ZNF716: variants seen among roughly 807,000 people sequenced by gnomAD.
ZNF716 encodes zinc finger protein 716.
A neutral mutation model predicts 13.4 loss-of-function variants in ZNF716; 9 were observed. The ratio of observed to expected loss-of-function variants is 0.67; its 90% CI spans 0.41 to 1.18. ZNF716 has a LOEUF of 1.18. Ranked by LOEUF, ZNF716 falls within the 50% of genes most tolerant of loss-of-function variation. ZNF716 has a pLI of 0.01. For missense variants in ZNF716, 581 were observed against 576.6 expected, an observed-to-expected ratio of 1.01 and a Z score of -0.08; for synonymous variants, 186 against 195.2, an observed-to-expected ratio of 0.95 and a Z score of 0.39.
At chr7:57,467,977 A>G (rs1789845625) in intron 3 of ZNF716, among the ~76,000 whole-genome samples, 1 of 152,082 alleles carries the variant, frequency 6.6e-6, no homozygotes, top group South Asian at 2.1e-4. Context: ...TTATAAACAT[A>G]ATAATCTTTG....
intron 1 of ZNF716, among the ~76,000 whole-genome samples, chr7:57,461,603 G>A (rs1159949858): frequency 6.6e-5 from 10 of 151,972 alleles, no homozygotes; most frequent in African/African-American, 2.4e-4. Context: ...TTATTTACAG[G>A]TGAGAGAAAC....
chr7:57,468,640 T>C (rs1405363669), intron 3 of ZNF716, 84 bp from the exon 4 acceptor site: 1 of 1,369,368 alleles, frequency 7.3e-7, no homozygotes, highest in African/African-American at 1.5e-5. Flanking sequence ...TAATGTACTT[T>C]GTATAATTTT....
chr7:57,458,853 G>A (rs1366110110), intron 1 of ZNF716, among the ~76,000 whole-genome samples: 1 of 151,918 alleles, frequency 6.6e-6, no homozygotes, highest in Non-Finnish European at 1.5e-5. Flanking sequence ...TGCTCTTTTT[G>A]AATTCTTTTA....
At chr7:57,451,326 C>T (rs556802358) in intron 1 of ZNF716, among the ~76,000 whole-genome samples, 1 of 150,938 alleles carries the variant, frequency 6.6e-6, no homozygotes, top group Non-Finnish European at 1.5e-5. Flanking sequence ...GTAAGAGATA[C>T]ATTTGAGATA....
At chr7:57,450,647 A>G (rs1234994141) in intron 1 of ZNF716, among the ~76,000 whole-genome samples, 3 of 152,156 alleles carry the variant, frequency 2.0e-5, no homozygotes, top group Non-Finnish European at 4.4e-5. Flanking sequence ...GGAAGAATCC[A>G]GACTTAGGGT....
chr7:57,452,298 T>C (rs1789511353), intron 1 of ZNF716, among the ~76,000 whole-genome samples: 1 of 151,134 alleles, frequency 6.6e-6, no homozygotes, highest in South Asian at 2.1e-4. Context: ...TCATTCAATG[T>C]CAAATGGGAA....
intron 1 of ZNF716, among the ~76,000 whole-genome samples, chr7:57,460,419 G>T (rs567367747): frequency 7.0e-6 from 1 of 141,960 alleles, no homozygotes; most frequent in South Asian, 2.3e-4. Flanking sequence ...AAAAAAGGCA[G>T]CGTCCACTCT....
intron 1 of ZNF716, among the ~76,000 whole-genome samples, chr7:57,452,593 G>T (rs1789516610): frequency 6.6e-6 from 1 of 152,014 alleles, no homozygotes; most frequent in South Asian, 2.1e-4. Flanking sequence ...AGCCAAGATG[G>T]TGCCACTGCA....
At position 57,468,845 on chromosome 7, in the gene ZNF716, C is replaced by T. The variant is rs1789859272; in HGVS notation, c.384C>T (p.Cys128=). Residue 128 remains cysteine (C), a synonymous_variant, in exon 4 of 4, where the codon TGC becomes TGT. Coordinates refer to ENST00000420713, the MANE Select transcript of ZNF716 (RefSeq NM_001159279.1). ...AGGAGGATTTACAAGTAAAAAAATG[C>T]TGTAAAAGTGTAGGTGAGTGTGAGG... ...CGQEDLQVKK[C]CKSVGECEVH... 1 of 1,613,504 alleles carries T rather than the reference C, an allele frequency of 6.2e-7. No homozygotes were observed. Among genetic ancestry groups the T allele is most frequent in the African/African-American group, 1.3e-5 (1 of 74,970 alleles).
chr7:57,464,073 T>C (rs1351909510), intron 3 of ZNF716, among the ~76,000 whole-genome samples: 1 of 151,966 alleles, frequency 6.6e-6, no homozygotes, highest in Non-Finnish European at 1.5e-5. Context: ...CCCATTTGTA[T>C]ATCTTTTTAA....
At position 57,470,015 on chromosome 7, in the gene ZNF716, C is replaced by A; in HGVS notation, c.*66C>A. The stretch of plus-strand genomic sequence containing the variant: ...TAATTTATACTGGAAAAAATCACTA[C>A]AAGTGTGGAGAATGTGGCCAATTCT... On this transcript the variant is annotated 3_prime_UTR_variant, in exon 4 of 4. Transcript: ENST00000420713. 2 of 1,419,472 alleles carry A rather than the reference C, an allele frequency of 1.4e-6. No homozygotes were observed. The highest frequency in any genetic ancestry group is 1.5e-5 in the South Asian group (1 of 65,702). 87.9% of individuals were successfully genotyped at this position (1,419,472 alleles called of 1,614,324 possible). A position where few individuals can be genotyped will look rare whatever the true frequency, so the allele number is the denominator to read the frequency against.
Position 57,462,399 on chromosome 7 carries a change from A to G in ZNF716, c.40-61A>G, listed in dbSNP as rs782249184. ...CAAATAAAAATCTCTGCCTATGGCAACATGGTAACTGTTTGTGTGTTCATG... is the reference window on the plus strand; with the variant it reads ...CAAATAAAAATCTCTGCCTATGGCAGCATGGTAACTGTTTGTGTGTTCATG... On this transcript the variant is annotated intron_variant, in intron 1 of 3. Transcript: ENST00000420713. 7.6e-6 allele frequency: 12 copies of G among 1,572,366 alleles called. No individual in the cohort carries two copies. In the East Asian group the frequency reaches 2.6e-4, roughly 34 times the overall value.
chr7:57,469,674 G>C lies in ZNF716; in HGVS notation c.1213G>C (p.Glu405Gln), dbSNP rs782256356. The C allele has an allele frequency of 6.2e-7, 1 of 1,609,438 alleles. No individual in the cohort carries two copies. The highest frequency in any genetic ancestry group is 2.2e-5 in the East Asian group (1 of 44,720). ...TTACCACAAGAGAACTCATACTGGA[G>C]AGAAACCCTACAAATGTGAAGAATG... ...FTYHKRTHTG[E>Q]KPYKCEECGK... is the part of the protein sequence containing the mutation. The change falls in exon 4 of 4, where the codon GAG (glutamate) becomes CAG (glutamine). Residue 405 changes from glutamate to glutamine, a missense_variant. By Grantham distance (29) the Glu-to-Gln change is conservative (BLOSUM62 2). Coordinates refer to ENST00000420713, the MANE Select transcript of ZNF716 (RefSeq NM_001159279.1).
intron 1 of ZNF716, among the ~76,000 whole-genome samples, chr7:57,461,310 G>C (rs1789705434): frequency 6.6e-6 from 1 of 152,012 alleles, no homozygotes; most frequent in South Asian, 2.1e-4. Context: ...TACTTTTCTG[G>C]GAGGAAAGAA....
chr7:57,461,270 T>C (rs1554323042), intron 1 of ZNF716, among the ~76,000 whole-genome samples: 1 of 152,060 alleles, frequency 6.6e-6, no homozygotes, highest in African/African-American at 2.4e-5. Context: ...AAGAGAGATT[T>C]TGTCTCATAA....
Position 57,450,330 on chromosome 7 carries a change from G to T in ZNF716, c.39+3G>T, listed in dbSNP as rs1554321366. On this transcript the variant is annotated splice_donor_region_variant and intron_variant, in intron 1 of 3. Coordinates refer to ENST00000420713, the MANE Select transcript of ZNF716 (RefSeq NM_001159279.1). ...GACCCCCTGGAAGCCGAGAAATGGTGAGTGCTGGGTCTGTCACCGTGAGAG... is the reference window on the plus strand; with the variant it reads ...GACCCCCTGGAAGCCGAGAAATGGTTAGTGCTGGGTCTGTCACCGTGAGAG... 6.2e-7 allele frequency: 1 copy of T among 1,613,678 alleles called. No individual in the cohort carries two copies. Among genetic ancestry groups the T allele is most frequent in the East Asian group, 2.2e-5 (1 of 44,772 alleles).
At chr7:57,463,191 G>A (rs2116417011) in intron 3 of ZNF716, 23 bp downstream of exon 3, 1 of 1,603,662 alleles carries the variant, frequency 6.2e-7, no homozygotes. Flanking sequence ...GAATGAAGCA[G>A]ATGACACAGA....
chr7:57,469,163 T>C lies in ZNF716; in HGVS notation c.702T>C (p.Ile234=), dbSNP rs782178590. ...CSSTLTRHKR[I]HTGEKPYRCE... ...CAACCCTTACTAGACATAAAAGAAT[T>C]CATACTGGAGAGAAACCCTACAGAT... is the stretch of plus-strand genomic sequence containing the variant. The change falls in exon 4 of 4, where the codon ATT becomes ATC. Residue 234 remains isoleucine (I), a synonymous_variant. Transcript: ENST00000420713. The C allele has an allele frequency of 6.2e-7, 1 of 1,612,384 alleles. No homozygotes were observed. The highest frequency in any genetic ancestry group is 1.1e-5 in the South Asian group (1 of 90,952).
rs1374114055 is a variant in ZNF716, at chr7:57,472,704, T to C, written c.*2755T>C. 6.6e-6 allele frequency: 1 copy of C among 152,166 alleles called. No individual in the cohort carries two copies. Among genetic ancestry groups the C allele is most frequent in the Non-Finnish European group, 1.5e-5 (1 of 68,066 alleles). 9.4% of individuals were successfully genotyped at this position (152,166 alleles called of 1,614,324 possible). ...CTGGTCTCAAACTCCTGACCTCAGG[T>C]GATACACCCACCTCGGTGTACCGAA... On this transcript the variant is annotated 3_prime_UTR_variant, in exon 4 of 4. Transcript: ENST00000420713.
Sources: gnomAD v4.1 joint callset for allele counts (sites outside exome capture counted in the v4.1 genomes callset) on GRCh38, gnomAD v4.1.1 for gene constraint, MANE v1.5 for transcripts, NCBI Gene and HGNC (gene_info 2026-07-23, HGNC 2026-07-21) for gene names.